COL23A1: variants seen among roughly 807,000 people sequenced by gnomAD.
COL23A1 encodes the protein collagen type XXIII alpha 1 chain.
In COL23A1, 97 loss-of-function variants were observed where a neutral mutation model predicts 99.3. The observed-to-expected ratio is 0.98, with a 90% CI of 0.83 to 1.16. COL23A1 has a LOEUF of 1.16. COL23A1 is among the 50% of genes most tolerant of loss of function. COL23A1 has a pLI of 0.00. For missense variants in COL23A1, 762 were observed against 757.4 expected (o/e 1.01, Z -0.07); for synonymous variants, 320 against 308.2 (o/e 1.04, Z -0.40).
chr5:178,424,965 G>C (rs1209550246), intron 2 of COL23A1, among the ~76,000 whole-genome samples: 2 of 152,206 alleles, frequency 1.3e-5, no homozygotes, highest in Non-Finnish European at 2.9e-5. Flanking sequence ...GACTGTCAGG[G>C]AAGCGAGCGC....
chr5:178,416,057 C>T (rs545774714), intron 2 of COL23A1, among the ~76,000 whole-genome samples: 4 of 152,246 alleles, frequency 2.6e-5, no homozygotes, highest in Non-Finnish European at 4.4e-5. Flanking sequence ...CATCAGCTGC[C>T]CCAGTGCCAT....
At chr5:178,275,123 C>T (rs1171423019) in intron 5 of COL23A1, among the ~76,000 whole-genome samples, 4 of 152,242 alleles carry the variant, frequency 2.6e-5, no homozygotes, top group African/African-American at 9.6e-5. Context: ...TGCTCAGGGA[C>T]TGGGGTGTCC....
intron 2 of COL23A1, among the ~76,000 whole-genome samples, chr5:178,464,431 C>T (rs1756301600): frequency 6.6e-6 from 1 of 152,186 alleles, no homozygotes; most frequent in Non-Finnish European, 1.5e-5. Flanking sequence ...TATGCATATA[C>T]CACATTTTCT....
rs982654671 is a variant in COL23A1, at chr5:178,281,113, A to C, written c.441+7211T>G. Among the ~76,000 whole-genome samples, 1 of 152,130 alleles carries C rather than the reference A, an allele frequency of 6.6e-6. No individual in the cohort carries two copies. Among genetic ancestry groups the C allele is most frequent in the Non-Finnish European group, 1.5e-5 (1 of 68,022 alleles). On this transcript the variant is annotated intron_variant, in intron 5 of 28. Transcript: ENST00000390654. The surrounding 1 kb of genome is among the most constrained non-coding windows in gnomAD (Gnocchi z 4.0). ...ATCAGGGACTCCGGAGTCGGCTTTC[A>C]TCCGGTCTCAGCTTCACTAGAATCT...
At chr5:178,558,582 T>A (rs1762398960) in intron 2 of COL23A1, among the ~76,000 whole-genome samples, 1 of 152,170 alleles carries the variant, frequency 6.6e-6, no homozygotes, top group Non-Finnish European at 1.5e-5. Flanking sequence ...TTCATGCTGG[T>A]GGTTGCTGGC....
intron 25 of COL23A1, among the ~76,000 whole-genome samples, chr5:178,243,608 G>T (rs938021092): frequency 6.6e-5 from 10 of 152,204 alleles, no homozygotes; most frequent in African/African-American, 2.4e-4. Context: ...AGTGACAGAG[G>T]TGTGAAATAG....
chr5:178,513,239 C>G (rs567893972), intron 2 of COL23A1, among the ~76,000 whole-genome samples: 18 of 152,340 alleles, frequency 1.2e-4, no homozygotes, highest in African/African-American at 4.1e-4. Context: ...TGAGGCTTTA[C>G]TGCACTACCA....
intron 1 of COL23A1, among the ~76,000 whole-genome samples, chr5:178,573,865 T>G (rs991386232): frequency 6.6e-6 from 1 of 152,094 alleles, no homozygotes; most frequent in Non-Finnish European, 1.5e-5. Flanking sequence ...GTTCTTTTTT[T>G]TTTTCTTTGT....
intron 2 of COL23A1, among the ~76,000 whole-genome samples, chr5:178,344,621 C>T (rs138919775): frequency 0.019 from 2,822 of 151,288 alleles, 33 homozygotes; most frequent in Non-Finnish European, 0.031. Context: ...CCAGCCTGGG[C>T]GACAGAGCGA....
intron 2 of COL23A1, among the ~76,000 whole-genome samples, chr5:178,362,625 A>G (rs1373190001): frequency 1.3e-5 from 2 of 152,180 alleles, no homozygotes; most frequent in African/African-American, 4.8e-5. Context: ...TCTGGCTGCA[A>G]TGACTGGCTC....
chr5:178,535,221 G>A (rs544149516), intron 2 of COL23A1, among the ~76,000 whole-genome samples: 52 of 152,134 alleles, frequency 3.4e-4, no homozygotes, highest in African/African-American at 1.2e-3. Context: ...TGATCTGCCC[G>A]CCTCAGCCTC....
At position 178,246,254 on chromosome 5, in the gene COL23A1, C is replaced by T; in HGVS notation, c.1413G>A (p.Lys471=). The T allele has an allele frequency of 6.4e-7, 1 of 1,553,618 alleles. No individual in the cohort carries two copies. The change falls in exon 24 of 29, where the codon AAG becomes AAA. Residue 471 remains lysine (K), a splice_region_variant and synonymous_variant. Transcript: ENST00000390654. ...AGGGAGTTCCGAATGAGGCGGTTACCTTCTCTCCTTTGGTTCCTGGCAGCC... is the reference window on the plus strand; with the variant it reads ...AGGGAGTTCCGAATGAGGCGGTTACTTTCTCTCCTTTGGTTCCTGGCAGCC... ...LIGLPGTKGE[K]GRPGEPGLDG...
At chr5:178,339,978 T>C (rs1249167244) in intron 2 of COL23A1, among the ~76,000 whole-genome samples, 1 of 151,962 alleles carries the variant, frequency 6.6e-6, no homozygotes, top group Non-Finnish European at 1.5e-5. Context: ...CAATGACTTA[T>C]GATTAGGTGG....
chr5:178,543,100 T>C (rs1180768277), intron 2 of COL23A1, among the ~76,000 whole-genome samples: 1 of 151,812 alleles, frequency 6.6e-6, no homozygotes, highest in Non-Finnish European at 1.5e-5. Flanking sequence ...TTTGAGAGCA[T>C]AATTGGCTTG....
At chr5:178,394,085 G>A (rs988113271) in intron 2 of COL23A1, among the ~76,000 whole-genome samples, 4 of 152,198 alleles carry the variant, frequency 2.6e-5, no homozygotes, top group South Asian at 2.1e-4. Context: ...AACCTGGAGC[G>A]AAAGACCTGG....
chr5:178,358,052 C>A (rs62644430), intron 2 of COL23A1, among the ~76,000 whole-genome samples: 73 of 83,288 alleles, frequency 8.8e-4, no homozygotes, highest in African/African-American at 3.7e-3. Flanking sequence ...GTATGTATGT[C>A]TAATGTATGT....
At chr5:178,560,013 A>G (rs1418689336) in intron 2 of COL23A1, among the ~76,000 whole-genome samples, 4 of 152,166 alleles carry the variant, frequency 2.6e-5, no homozygotes, top group Admixed American at 1.3e-4. Context: ...CTAACCCTGA[A>G]AACACCAGTG....
At position 178,316,708 on chromosome 5, in the gene COL23A1, A is replaced by T. The variant is rs138334679; in HGVS notation, c.362-9789T>A. ...GTAAGGAAAAATTCCAACCACAGTG[A>T]TATTTAAAATGGTTTTATTCTCTTT... On this transcript the variant is annotated intron_variant, in intron 2 of 28. Coordinates refer to ENST00000390654, the MANE Select transcript of COL23A1 (RefSeq NM_173465.4). Among the ~76,000 whole-genome samples, 5 of 152,286 alleles carry T rather than the reference A, an allele frequency of 3.3e-5. No individual in the cohort carries two copies. In the East Asian group the frequency reaches 9.6e-4, roughly 29 times the overall value.
At chr5:178,359,266 G>T (rs774298276) in intron 2 of COL23A1, among the ~76,000 whole-genome samples, 2 of 152,260 alleles carry the variant, frequency 1.3e-5, no homozygotes, top group Admixed American at 6.5e-5. Context: ...GCTCACGCCT[G>T]TAATCCCAGC....
Sources: gnomAD v4.1 joint callset for allele counts (sites outside exome capture counted in the v4.1 genomes callset) on GRCh38, gnomAD v4.1.1 for gene constraint, Gnocchi (gnomAD v3.1) non-coding constraint, MANE v1.5 for transcripts, NCBI Gene and HGNC (gene_info 2026-07-23, HGNC 2026-07-21) for gene names.